Variants in TNRC6B observed in about 807,000 individuals in gnomAD.
The protein encoded by TNRC6B is trinucleotide repeat containing adaptor 6B.
TNRC6B carries 52 observed loss-of-function variants against 203.6 expected under a neutral mutation model. The ratio of observed to expected loss-of-function variants is 0.26; its 90% CI spans 0.20 to 0.32. The LOEUF (loss-of-function observed/expected upper bound fraction) is 0.32. TNRC6B is among the 10% of genes least tolerant of loss of function. TNRC6B has a pLI of 1.00. For synonymous variants in TNRC6B, 838 were observed against 845.7 expected, an observed-to-expected ratio of 0.99 and a Z score of 0.16; for missense variants, 1,923 against 2,286.2, an observed-to-expected ratio of 0.84 and a Z score of 3.24.
intron 1 of TNRC6B, among the ~76,000 whole-genome samples, chr22:40,243,203 G>T (rs1300211787): frequency 6.6e-6 from 1 of 152,090 alleles, no homozygotes; most frequent in Non-Finnish European, 1.5e-5. Context: ...TGGTGCTAAT[G>T]TGCAGCCTAG....
intron 2 of TNRC6B, among the ~76,000 whole-genome samples, chr22:40,119,445 G>A (rs1045297103): frequency 6.6e-6 from 1 of 152,156 alleles, no homozygotes; most frequent in Non-Finnish European, 1.5e-5. Context: ...TTAGCCAGGC[G>A]TGGTGGCACG....
chr22:40,195,749 C>T (rs1213488082), intron 1 of TNRC6B, among the ~76,000 whole-genome samples: 1 of 151,800 alleles, frequency 6.6e-6, no homozygotes, highest in East Asian at 1.9e-4. Context: ...CCACCATCCT[C>T]AGCTTTATTT....
At chr22:40,221,301 G>A (rs1172973522) in intron 1 of TNRC6B, among the ~76,000 whole-genome samples, 1 of 152,162 alleles carries the variant, frequency 6.6e-6, no homozygotes, top group African/African-American at 2.4e-5. Flanking sequence ...TCTAGCCTGA[G>A]TGTCTAGCTA....
chr22:40,083,608 G>A (rs374394899), intron 1 of TNRC6B, among the ~76,000 whole-genome samples: 5 of 152,118 alleles, frequency 3.3e-5, no homozygotes, highest in Non-Finnish European at 7.3e-5. Context: ...ATGTATGCAC[G>A]TGGGGGTGAT....
At chr22:40,255,235 C>G (rs1021890260) in intron 3 of TNRC6B, among the ~76,000 whole-genome samples, 1 of 152,226 alleles carries the variant, frequency 6.6e-6, no homozygotes, top group Admixed American at 6.5e-5. Context: ...TCAAAGCCAA[C>G]AGGGAAAAGC....
intron 1 of TNRC6B, among the ~76,000 whole-genome samples, chr22:40,110,481 G>T (rs1258719233): frequency 6.6e-6 from 1 of 152,186 alleles, no homozygotes; most frequent in Non-Finnish European, 1.5e-5. Context: ...GCCTCTACCT[G>T]TAAGTGATTT....
At chr22:40,275,608 C>T (rs1467263053) in intron 7 of TNRC6B, among the ~76,000 whole-genome samples, 2 of 152,120 alleles carry the variant, frequency 1.3e-5, no homozygotes, top group Admixed American at 6.6e-5. Context: ...AACTCTGTAC[C>T]TATTAAACAG....
intron 1 of TNRC6B, among the ~76,000 whole-genome samples, chr22:40,091,899 C>G (rs1239642294): frequency 6.6e-6 from 1 of 152,210 alleles, no homozygotes; most frequent in Non-Finnish European, 1.5e-5. Context: ...TTCATACTAT[C>G]TGTGCAGTGT....
intron 4 of TNRC6B, among the ~76,000 whole-genome samples, chr22:40,162,166 G>A (rs991645443): frequency 1.3e-5 from 2 of 151,998 alleles, no homozygotes; most frequent in Non-Finnish European, 2.9e-5. Flanking sequence ...GCGCAATCTC[G>A]GCTCACTGCA....
In TNRC6B at chr22:40,321,242, T is replaced by A. The variant is rs150142274; in HGVS notation, c.5114+13T>A. On this transcript the variant is annotated intron_variant, in intron 22 of 22. Coordinates refer to ENST00000454349, the MANE Select transcript of TNRC6B (RefSeq NM_001162501.2). ...CTGCACTGCACATGTGAGTATTCGG[T>A]CCTACACCCACGTAGACAAACATGC... 3.1e-6 allele frequency: 5 copies of A among 1,612,708 alleles called. No individual in the cohort carries two copies. The East Asian group carries it at 1.1e-4, about 36-fold the overall frequency.
intron 1 of TNRC6B, among the ~76,000 whole-genome samples, chr22:40,058,395 TCAATGTGCTTTAGCA>T (rs67129156): frequency 0.12 from 16,811 of 145,976 alleles, 1,559 homozygotes; most frequent in African/African-American, 0.29. Flanking sequence ...AACTTGTGAC[TCAATGTGCTTTAGCA>T]CAATGTGCTT....
chr22:40,215,657 C>A (rs2069625186), intron 1 of TNRC6B, among the ~76,000 whole-genome samples: 1 of 152,210 alleles, frequency 6.6e-6, no homozygotes. Flanking sequence ...CTTTGTTCCC[C>A]CAGCCCTGGG....
Position 40,261,928 on chromosome 22 carries a change from A to G in TNRC6B, c.212A>G (p.Lys71Arg). The G allele has an allele frequency of 6.2e-7, 1 of 1,612,224 alleles. No homozygotes were observed. The highest frequency in any genetic ancestry group is 1.1e-5 in the South Asian group (1 of 91,048). ...CCAGTCAATGGTGGCAACAATGCCA[A>G]AAGGGTGGCAGTGCCGAACGGACAA... ...SPPVNGGNNA[K>R]RVAVPNGQPP... The change falls in exon 4 of 23, where the codon AAA (lysine) becomes AGA (arginine). Residue 71 changes from lysine to arginine, a missense_variant. By Grantham distance (26) the Lys-to-Arg change is conservative. Coordinates refer to ENST00000454349, the MANE Select transcript of TNRC6B (RefSeq NM_001162501.2).
At chr22:40,200,042 G>A (rs908798695) in intron 1 of TNRC6B, among the ~76,000 whole-genome samples, 6 of 151,748 alleles carry the variant, frequency 4.0e-5, no homozygotes, top group Admixed American at 2.0e-4. Context: ...CAAGTGATCC[G>A]CCCGACTCGG....
intron 1 of TNRC6B, among the ~76,000 whole-genome samples, chr22:40,216,188 C>CT: frequency 6.6e-6 from 1 of 152,346 alleles, no homozygotes; most frequent in Middle Eastern, 3.4e-3. Context: ...ACCTAGTCAG[C>CT]TTTTTCTTTC....
chr22:40,113,602 C>T (rs1026761346), intron 1 of TNRC6B, among the ~76,000 whole-genome samples: 4 of 152,154 alleles, frequency 2.6e-5, no homozygotes, highest in African/African-American at 9.7e-5. Flanking sequence ...ATCAATCTGC[C>T]CACCTCTGCC....
intron 1 of TNRC6B, among the ~76,000 whole-genome samples, chr22:40,223,154 T>G (rs1240476486): frequency 6.6e-6 from 1 of 151,840 alleles, no homozygotes; most frequent in African/African-American, 2.4e-5. Flanking sequence ...TAGGTTTTTT[T>G]TTTTGAAACG....
rs919285189 is a variant in TNRC6B at position 40,261,836 on chromosome 22, C to T, written c.120C>T (p.Pro40=). The T allele has an allele frequency of 9.6e-6, 15 of 1,564,742 alleles. No individual in the cohort carries two copies. The highest frequency in any genetic ancestry group is 1.3e-5 in the African/African-American group (1 of 74,206). Residue 40 remains proline, a synonymous_variant, in exon 4 of 23, where the codon CCC becomes CCT. Coordinates refer to ENST00000454349, the MANE Select transcript of TNRC6B (RefSeq NM_001162501.2). ...TTCCCAACCCCTCTCTTTTAGTGCCCGAAGTGACGAAACCAAGTTTAAGCC... is the reference window on the plus strand; with the variant it reads ...TTCCCAACCCCTCTCTTTTAGTGCCTGAAGTGACGAAACCAAGTTTAAGCC... ...QKVTEQKTKV[P]EVTKPSLSQP...
intron 12 of TNRC6B, among the ~76,000 whole-genome samples, chr22:40,299,775 G>A (rs1367168044): frequency 2.0e-5 from 3 of 152,202 alleles, no homozygotes; most frequent in Non-Finnish European, 4.4e-5. Flanking sequence ...AGTGGGTTCA[G>A]TAGATGAGGG....
Sources: gnomAD v4.1 joint callset for allele counts (sites outside exome capture counted in the v4.1 genomes callset) on GRCh38, gnomAD v4.1.1 for gene constraint, MANE v1.5 for transcripts, NCBI Gene and HGNC (gene_info 2026-07-23, HGNC 2026-07-21) for gene names.